Variants in DCLK1 observed in about 807,000 individuals in gnomAD.
The protein encoded by DCLK1 is doublecortin like kinase 1, also known as serine/threonine-protein kinase DCLK1.
A neutral mutation model predicts 86.2 loss-of-function variants in DCLK1; 16 were observed. The observed-to-expected ratio is 0.19, with a 90% CI of 0.13 to 0.28. The LOEUF is 0.28. DCLK1 is among the 10% of genes least tolerant of loss of function. The pLI is 1.00. For synonymous variants in DCLK1, 369 were observed against 370.5 expected, an observed-to-expected ratio of 1.00 and a Z score of 0.05; for missense variants, 590 against 940.2, an observed-to-expected ratio of 0.63 and a Z score of 4.87.
intron 5 of DCLK1, among the ~76,000 whole-genome samples, chr13:35,856,703 A>G (rs1871081112): frequency 6.6e-6 from 1 of 152,250 alleles, no homozygotes; most frequent in Non-Finnish European, 1.5e-5. Context: ...TGTATTTTTA[A>G]GGCATTTTTT....
rs1203184266 is a variant in DCLK1 at position 36,008,227 on chromosome 13, ATT to A, written c.724-60772_724-60771del. On this transcript the variant is annotated intron_variant, in intron 3 of 16. Coordinates refer to ENST00000360631, the MANE Select transcript of DCLK1 (RefSeq NM_001330071.2). ...TATTATTATTATTATTATTATTATT[ATT>A]TTTTTAATTATACTTTAAGTTTTAG... is the stretch of plus-strand genomic sequence containing the variant. Among the ~76,000 whole-genome samples, 379 of 85,162 alleles carry A rather than the reference ATT, an allele frequency of 4.5e-3. 8 individuals carry two copies. The highest frequency in any genetic ancestry group is 6.8e-3 in the Non-Finnish European group (297 of 43,640). The allele number at this position is 85,162 out of a possible 152,430, so 55.9% of individuals were successfully genotyped here.
intron 3 of DCLK1, among the ~76,000 whole-genome samples, chr13:35,960,555 C>A (rs1936007): frequency 4.6e-5 from 7 of 152,080 alleles, no homozygotes; most frequent in African/African-American, 1.7e-4. Context: ...ACCTCCTGGG[C>A]TCAAGTGATC....
chr13:35,847,034 T>G, intron 6 of DCLK1: 2 of 985,266 alleles, frequency 2.0e-6, no homozygotes, highest in Non-Finnish European at 2.4e-6. Flanking sequence ...TGTTTCATTT[T>G]TTTAGAGTAT....
chr13:36,061,540 A>T (rs1379025879), intron 3 of DCLK1, among the ~76,000 whole-genome samples: 2 of 152,188 alleles, frequency 1.3e-5, no homozygotes, highest in Non-Finnish European at 2.9e-5. Context: ...CTTTTGTTTT[A>T]GTTACTTTCT....
intron 4 of DCLK1, among the ~76,000 whole-genome samples, chr13:35,891,636 A>G (rs1367169846): frequency 6.6e-6 from 1 of 152,210 alleles, no homozygotes; most frequent in Non-Finnish European, 1.5e-5. Context: ...TCATATCTCA[A>G]TAGAGCTGCT....
At chr13:35,928,850 A>G (rs1200264396) in intron 4 of DCLK1, among the ~76,000 whole-genome samples, 1 of 152,336 alleles carries the variant, frequency 6.6e-6, no homozygotes. Flanking sequence ...ATATTGAGCT[A>G]TGCTAATTTT....
At chr13:35,814,318 C>T (rs1462420248) in intron 11 of DCLK1, among the ~76,000 whole-genome samples, 1 of 152,162 alleles carries the variant, frequency 6.6e-6, no homozygotes, top group Non-Finnish European at 1.5e-5. Flanking sequence ...AAGTATTATT[C>T]CAAATGGCAG....
At chr13:35,802,058 C>T (rs1387991023) in intron 15 of DCLK1, among the ~76,000 whole-genome samples, 3 of 152,188 alleles carry the variant, frequency 2.0e-5, no homozygotes, top group Non-Finnish European at 4.4e-5. Context: ...ACTGGGGAAG[C>T]TGTTCTCACT....
intron 4 of DCLK1, among the ~76,000 whole-genome samples, chr13:35,885,661 T>A (rs1873183630): frequency 6.6e-6 from 1 of 152,168 alleles, no homozygotes; most frequent in Non-Finnish European, 1.5e-5. Flanking sequence ...CACAAATGTG[T>A]GTTTGGCAGA....
chr13:36,106,427 GA>G, intron 3 of DCLK1, among the ~76,000 whole-genome samples: 1 of 152,278 alleles, frequency 6.6e-6, no homozygotes, highest in South Asian at 2.1e-4. Context: ...AATAAATCAT[GA>G]GGATGGTTTA....
At position 35,774,655 on chromosome 13, in the gene DCLK1, G is replaced by A. The variant is rs1396522466; in HGVS notation, c.2103C>T (p.Arg701=). ...DKERQVFRRR[R]NQDVRSRYKA... ...TGTACCGGCTCCTCACATCCTGGTT[G>A]CGTCTTCGTCGGAAAACCTGCCTCT... The change falls in exon 17 of 17, where the codon CGC becomes CGT. Residue 701 remains arginine, a synonymous_variant. Coordinates refer to ENST00000360631, the MANE Select transcript of DCLK1 (RefSeq NM_001330071.2). The A allele has an allele frequency of 1.9e-6, 3 of 1,610,462 alleles. No homozygotes were observed. Among genetic ancestry groups the A allele is most frequent in the South Asian group, 1.1e-5 (1 of 90,286 alleles).
At chr13:35,999,883 T>A (rs747900537) in intron 3 of DCLK1, among the ~76,000 whole-genome samples, 11 of 152,136 alleles carry the variant, frequency 7.2e-5, no homozygotes, top group Non-Finnish European at 1.3e-4. Context: ...TACTGACTTT[T>A]ATACACAAAT....
At chr13:35,924,188 C>G (rs1301825330) in intron 4 of DCLK1, among the ~76,000 whole-genome samples, 1 of 152,114 alleles carries the variant, frequency 6.6e-6, no homozygotes, top group East Asian at 1.9e-4. Context: ...ACCTCTATGT[C>G]TCTATGAACT....
intron 4 of DCLK1, among the ~76,000 whole-genome samples, chr13:35,896,609 T>C (rs558555374): frequency 1.8e-4 from 23 of 130,740 alleles, no homozygotes; most frequent in African/African-American, 6.4e-4. Context: ...AAAGTAAAGA[T>C]TTTTTTTTCT....
At chr13:35,893,772 C>A (rs554516155) in intron 4 of DCLK1, among the ~76,000 whole-genome samples, 4 of 152,310 alleles carry the variant, frequency 2.6e-5, no homozygotes, top group African/African-American at 9.6e-5. Context: ...TTAATCTGCA[C>A]ACATTATTTT....
At chr13:36,098,703 G>A (rs758619053) in intron 3 of DCLK1, among the ~76,000 whole-genome samples, 3 of 152,106 alleles carry the variant, frequency 2.0e-5, no homozygotes, top group Non-Finnish European at 4.4e-5. Flanking sequence ...TCAAGTTCTC[G>A]TGCATTTTGA....
chr13:35,961,666 C>T (rs1363867776), intron 3 of DCLK1, among the ~76,000 whole-genome samples: 1 of 152,116 alleles, frequency 6.6e-6, no homozygotes, highest in South Asian at 2.1e-4. Flanking sequence ...AAGGCTGAAA[C>T]ATTTGTCCAC....
intron 3 of DCLK1, among the ~76,000 whole-genome samples, chr13:36,064,282 G>C (rs1326700305): frequency 6.6e-6 from 1 of 152,194 alleles, no homozygotes; most frequent in Non-Finnish European, 1.5e-5. Context: ...ATGGTGAACT[G>C]TTCATCGTAA....
At chr13:35,967,838 AT>A (rs1566625427) in intron 3 of DCLK1, among the ~76,000 whole-genome samples, 1 of 151,800 alleles carries the variant, frequency 6.6e-6, no homozygotes, top group African/African-American at 2.4e-5. Flanking sequence ...ACTAAAAAAA[AT>A]TTAAAAAAAA....
Sources: allele counts gnomAD v4.1 joint callset (sites outside exome capture counted in the v4.1 genomes callset), GRCh38; gene constraint gnomAD v4.1.1; transcripts MANE v1.5; gene names NCBI Gene and HGNC (gene_info 2026-07-23, HGNC 2026-07-21).